CLASP2: variants seen among roughly 807,000 people sequenced by gnomAD.
CLASP2 encodes CLIP-associating protein 2.
In CLASP2, 47 loss-of-function variants were observed where a neutral mutation model predicts 194.4. The observed-to-expected ratio is 0.24, with a 90% CI of 0.19 to 0.31. The LOEUF (loss-of-function observed/expected upper bound fraction) is 0.31. CLASP2 is among the 10% of genes least tolerant of loss of function. The pLI is 1.00. For synonymous variants in CLASP2, 619 were observed against 633.5 expected (o/e 0.98, Z 0.34); for missense variants, 1,445 against 1,823.6 (o/e 0.79, Z 3.78).
At chr3:33,559,804 G>GA (rs2154176915) in intron 28 of CLASP2, among the ~76,000 whole-genome samples, 1 of 152,134 alleles carries the variant, frequency 6.6e-6, no homozygotes, top group African/African-American at 2.4e-5. Context: ...TGAGGCAGGA[G>GA]AATCGCTTGA....
intron 37 of CLASP2, among the ~76,000 whole-genome samples, chr3:33,508,352 A>G (rs904470193): frequency 1.3e-5 from 2 of 151,624 alleles, no homozygotes; most frequent in Admixed American, 6.6e-5. Flanking sequence ...TTGTTTGGAG[A>G]TGGAGTCTCA....
At position 33,562,800 on chromosome 3, in the gene CLASP2, C is replaced by T. The variant is rs183481201; in HGVS notation, c.2767-1829G>A. On this transcript the variant is annotated intron_variant, in intron 27 of 38. Transcript: ENST00000682230. ...ACCTCCTATTTTATGGATGAGGAAA[C>T]AGGGAAGCAGAGAATTACATGACCT... Among the ~76,000 whole-genome samples, 40 of 152,262 alleles carry T rather than the reference C, an allele frequency of 2.6e-4. 2 individuals carry two copies. In the Middle Eastern group the frequency reaches 0.031, roughly 117 times the overall value.
chr3:33,680,887 G>T (rs1272992105), intron 6 of CLASP2, among the ~76,000 whole-genome samples: 1 of 152,150 alleles, frequency 6.6e-6, no homozygotes, highest in African/African-American at 2.4e-5. Context: ...AGCACTTTGG[G>T]AGGCCGAGGC....
intron 7 of CLASP2, among the ~76,000 whole-genome samples, chr3:33,655,375 A>G (rs1038330240): frequency 6.6e-6 from 1 of 152,114 alleles, no homozygotes. Context: ...CACAGACCTA[A>G]AACACAGGAT....
chr3:33,541,805 G>A (rs765624953), intron 32 of CLASP2, among the ~76,000 whole-genome samples: 4 of 152,136 alleles, frequency 2.6e-5, no homozygotes, highest in Non-Finnish European at 4.4e-5. Context: ...ACATACATGT[G>A]CATGTATCTT....
intron 5 of CLASP2, among the ~76,000 whole-genome samples, chr3:33,685,275 G>T (rs1162999445): frequency 7.0e-6 from 1 of 143,612 alleles, no homozygotes; most frequent in South Asian, 2.2e-4. Context: ...CAGGGAGGTG[G>T]AGGTTGCAGT....
At chr3:33,707,295 C>T (rs1240957469) in intron 1 of CLASP2, among the ~76,000 whole-genome samples, 1 of 152,054 alleles carries the variant, frequency 6.6e-6, no homozygotes, top group Non-Finnish European at 1.5e-5. Context: ...TATATGAGTT[C>T]ATAATTATAT....
chr3:33,676,608 A>C lies in CLASP2; in HGVS notation c.644+7751T>G, dbSNP rs113556112. On this transcript the variant is annotated intron_variant, in intron 6 of 38. Transcript: ENST00000682230. ...CTAAAACCATAAAAACCCTAGAAGA[A>C]AACCTAGGCATTACCATTCAGGACA... Among the ~76,000 whole-genome samples, 186 of 152,182 alleles carry C rather than the reference A, an allele frequency of 1.2e-3. 3 individuals carry two copies. The East Asian group carries it at 0.021, about 17-fold the overall frequency.
intron 34 of CLASP2, among the ~76,000 whole-genome samples, chr3:33,531,929 G>A (rs772098490): frequency 1.6e-4 from 25 of 152,288 alleles, no homozygotes; most frequent in Non-Finnish European, 3.1e-4. Flanking sequence ...TGGTGGGGAA[G>A]TAAAATGGTA....
intron 25 of CLASP2, among the ~76,000 whole-genome samples, chr3:33,571,615 A>C (rs1469416780): frequency 3.3e-5 from 5 of 151,434 alleles, no homozygotes; most frequent in Non-Finnish European, 7.4e-5. Context: ...AGCCTGGGCG[A>C]CAGGGTTAGA....
intron 12 of CLASP2, among the ~76,000 whole-genome samples, chr3:33,613,893 A>G (rs1283482134): frequency 1.3e-5 from 2 of 152,218 alleles, no homozygotes; most frequent in Non-Finnish European, 2.9e-5. Context: ...ATGGAGAGAT[A>G]AACTAACCTA....
At position 33,524,927 on chromosome 3, in the gene CLASP2, GAAGT is replaced by G. The variant is rs1372384326; in HGVS notation, c.3788-7757_3788-7754del. On this transcript the variant is annotated intron_variant, in intron 34 of 38. Coordinates refer to ENST00000682230, the MANE Select transcript of CLASP2 (RefSeq NM_001365631.1). ...CAATAATGGATAGAACAAAGAGACA[GAAGT>G]AAGAAAACAGAGGACTTAATACAAT... is the stretch of plus-strand genomic sequence containing the variant. Among the ~76,000 whole-genome samples, 7 of 152,148 alleles carry G rather than the reference GAAGT, an allele frequency of 4.6e-5. No homozygotes were observed. The South Asian group carries it at 6.2e-4, about 14-fold the overall frequency.
chr3:33,573,791 A>T (rs991712973), intron 24 of CLASP2, among the ~76,000 whole-genome samples: 18 of 152,056 alleles, frequency 1.2e-4, no homozygotes, highest in Admixed American at 3.9e-4. Flanking sequence ...ATAAAGTTCC[A>T]TTTTTTTCTG....
At chr3:33,543,844 C>T (rs909318115) in intron 31 of CLASP2, among the ~76,000 whole-genome samples, 11 of 152,154 alleles carry the variant, frequency 7.2e-5, no homozygotes, top group Non-Finnish European at 1.5e-4. Flanking sequence ...TAATTTCCTT[C>T]TTCTAACCAT....
intron 26 of CLASP2, among the ~76,000 whole-genome samples, chr3:33,569,618 C>G (rs1051723242): frequency 6.6e-6 from 1 of 151,948 alleles, no homozygotes; most frequent in African/African-American, 2.4e-5. Context: ...TCTACATGTT[C>G]AATTATAAGT....
intron 6 of CLASP2, among the ~76,000 whole-genome samples, chr3:33,664,260 GATAAAACT>G (rs2085797515): frequency 6.6e-6 from 1 of 152,016 alleles, no homozygotes; most frequent in Admixed American, 6.6e-5. Flanking sequence ...AGTGAAATGG[GATAAAACT>G]GACAGCACTT....
intron 7 of CLASP2, among the ~76,000 whole-genome samples, chr3:33,648,823 T>C (rs911027722): frequency 1.3e-5 from 2 of 152,200 alleles, no homozygotes; most frequent in African/African-American, 4.8e-5. Flanking sequence ...GAAGAAACTG[T>C]CTTGTTCATG....
intron 8 of CLASP2, among the ~76,000 whole-genome samples, chr3:33,637,165 AAAC>A (rs2080307148): frequency 6.6e-6 from 1 of 152,244 alleles, no homozygotes; most frequent in African/African-American, 2.4e-5. Context: ...CAATCTTAAA[AAAC>A]AACTGGCCTA....
At chr3:33,713,743 G>A (rs1490463433) in intron 1 of CLASP2, among the ~76,000 whole-genome samples, 1 of 151,966 alleles carries the variant, frequency 6.6e-6, no homozygotes, top group Non-Finnish European at 1.5e-5. Flanking sequence ...GAGTACAGTG[G>A]CCCAATCACG....
Sources: gnomAD v4.1 joint callset for allele counts (sites outside exome capture counted in the v4.1 genomes callset) on GRCh38, gnomAD v4.1.1 for gene constraint, MANE v1.5 for transcripts, NCBI Gene and HGNC (gene_info 2026-07-23, HGNC 2026-07-21) for gene names.